The following FRMD6 variants were observed in gnomAD, a reference collection of about 807,000 sequenced individuals.
FRMD6 encodes FERM domain-containing protein 6.
Under a neutral mutation model 73.2 loss-of-function variants are expected in FRMD6, and 37 were observed. The observed-to-expected ratio is 0.51, with a 90% CI of 0.39 to 0.66. FRMD6 has a LOEUF of 0.66. Ranked by LOEUF, FRMD6 falls within the 30% of genes least tolerant of loss-of-function variation. The probability of loss-of-function intolerance (pLI) is 0.00; values close to 1 mark genes in which losing one functional copy is unlikely to be tolerated. For missense variants in FRMD6, 714 were observed against 780.5 expected (o/e 0.91, Z 1.02); for synonymous variants, 273 against 282.2 (o/e 0.97, Z 0.33).
chr14:51,469,563 A>G, the FRMD6 span, among the ~76,000 whole-genome samples: 4 of 150,098 alleles, frequency 2.7e-5, no homozygotes, highest in Admixed American at 1.3e-4. Flanking sequence ...CAGTGAGCCA[A>G]GATAGCGCCA....
intron 3 of FRMD6, among the ~76,000 whole-genome samples, chr14:51,699,855 T>G (rs1896188696): frequency 6.6e-6 from 1 of 152,002 alleles, no homozygotes; most frequent in Non-Finnish European, 1.5e-5. Context: ...GATTGTCTGG[T>G]CTTGTTTATT....
chr14:51,398,056 G>T, the FRMD6 span, among the ~76,000 whole-genome samples: 10 of 151,952 alleles, frequency 6.6e-5, no homozygotes, highest in Admixed American at 5.9e-4. Context: ...AATTTTTTTG[G>T]TCTCTAGAAC....
chr14:51,400,670 G>A, the FRMD6 span, among the ~76,000 whole-genome samples: 1 of 152,008 alleles, frequency 6.6e-6, no homozygotes, highest in East Asian at 1.9e-4. Flanking sequence ...AACAGGTTTG[G>A]GAACAAACAC....
intron 1 of FRMD6, among the ~76,000 whole-genome samples, chr14:51,496,446 G>A (rs73283294): frequency 0.02 from 3,069 of 152,212 alleles, 92 homozygotes; most frequent in African/African-American, 0.069. Context: ...TTAAAAGGGC[G>A]TCACTCCCAT....
At chr14:51,405,577 T>C in the FRMD6 span, among the ~76,000 whole-genome samples, 1 of 152,160 alleles carries the variant, frequency 6.6e-6, no homozygotes, top group Admixed American at 6.5e-5. Context: ...GACTTGAGTT[T>C]TTTTTTTCAA....
chr14:51,709,984 C>T (rs574153906), intron 7 of FRMD6, among the ~76,000 whole-genome samples: 2 of 152,184 alleles, frequency 1.3e-5, no homozygotes, highest in African/African-American at 4.8e-5. Flanking sequence ...AGGTGGAATA[C>T]CTGGCACATT....
chr14:51,436,805 G>T, the FRMD6 span: 4 of 543,378 alleles, frequency 7.4e-6, no homozygotes, highest in South Asian at 7.3e-5. Context: ...AGAAGGAGAA[G>T]ATGATGATGA....
intron 1 of FRMD6, among the ~76,000 whole-genome samples, chr14:51,505,097 C>T (rs2140229970): frequency 6.6e-6 from 1 of 152,272 alleles, no homozygotes; most frequent in African/African-American, 2.4e-5. Flanking sequence ...GAATCTTCTA[C>T]CCAGAGGTAG....
At chr14:51,706,792 T>C (rs1187344173) in intron 6 of FRMD6, among the ~76,000 whole-genome samples, 2 of 152,254 alleles carry the variant, frequency 1.3e-5, no homozygotes, top group East Asian at 3.9e-4. Flanking sequence ...TGTTTCTTAG[T>C]GTGTTCTGAA....
intron 1 of FRMD6, among the ~76,000 whole-genome samples, chr14:51,523,755 T>C (rs1885075840): frequency 6.6e-6 from 1 of 152,198 alleles, no homozygotes. Flanking sequence ...ACTTGTGAAA[T>C]GAGCTACTGA....
intron 1 of FRMD6, among the ~76,000 whole-genome samples, chr14:51,504,356 A>G (rs1883820640): frequency 6.6e-6 from 1 of 152,226 alleles, no homozygotes; most frequent in Admixed American, 6.5e-5. Flanking sequence ...ACGCACCTGT[A>G]GGAGGTGGCT....
At chr14:51,543,910 C>T (rs1003062978) in intron 1 of FRMD6, among the ~76,000 whole-genome samples, 3 of 151,936 alleles carry the variant, frequency 2.0e-5, no homozygotes, top group African/African-American at 7.2e-5. Context: ...GAAATGAATT[C>T]GCACCATACT....
At chr14:51,677,556 C>G (rs1205974807) in intron 1 of FRMD6, among the ~76,000 whole-genome samples, 1 of 152,046 alleles carries the variant, frequency 6.6e-6, no homozygotes, top group Non-Finnish European at 1.5e-5. Flanking sequence ...ATTTTTGTGC[C>G]TGGTTGCTAA....
chr14:51,576,109 A>T (rs950463395), intron 2 of FRMD6: 2 of 152,310 alleles, frequency 1.3e-5, no homozygotes, highest in South Asian at 2.1e-4. Context: ...CACCCAGGAG[A>T]GTGGGCTACA....
In FRMD6 at chr14:51,674,438, A is replaced by G. The variant is rs1799575484; in HGVS notation, c.-146-15253A>G. Reference sequence around the variant, plus strand: ...ATTTGTGTTGAGCAGTGGTCCTGCCATGCCTGCTGACTTGGAATAGTCTGC... The same window carrying G: ...ATTTGTGTTGAGCAGTGGTCCTGCCGTGCCTGCTGACTTGGAATAGTCTGC... On this transcript the variant is annotated intron_variant, in intron 1 of 13. Coordinates refer to ENST00000344768, the MANE Select transcript of FRMD6 (RefSeq NM_001267046.2). 2.6e-5 allele frequency among the ~76,000 whole-genome samples: 4 copies of G among 152,132 alleles called. No homozygotes were observed. The South Asian group carries it at 8.3e-4, about 31-fold the overall frequency.
In FRMD6 at chr14:51,507,955, C is replaced by T. The variant is rs140261960; in HGVS notation, c.-210+18535C>T. Among the ~76,000 whole-genome samples, 56 of 152,260 alleles carry T rather than the reference C, an allele frequency of 3.7e-4. No homozygotes were observed. In the East Asian group the frequency reaches 6.0e-3, roughly 16 times the overall value. ...GGATGCTCTGCCTTCCAGAATGCTC[C>T]GGGCAGCTTGAAATGGCATGATCCC... is the stretch of plus-strand genomic sequence containing the variant. On this transcript the variant is annotated intron_variant, in intron 1 of 14. Transcript: ENST00000356218.
chr14:51,398,432 A>G, the FRMD6 span, among the ~76,000 whole-genome samples: 2 of 152,206 alleles, frequency 1.3e-5, no homozygotes, highest in Non-Finnish European at 2.9e-5. Flanking sequence ...GCTCTTAGCA[A>G]CTTACTCAAG....
intron 1 of FRMD6, among the ~76,000 whole-genome samples, chr14:51,657,127 G>T (rs1892890286): frequency 6.6e-6 from 1 of 152,092 alleles, no homozygotes; most frequent in African/African-American, 2.4e-5. Flanking sequence ...CTTTTCAGAT[G>T]ATTTTTCTCT....
At chr14:51,464,508 A>C in the FRMD6 span, among the ~76,000 whole-genome samples, 2 of 152,222 alleles carry the variant, frequency 1.3e-5, no homozygotes, top group Non-Finnish European at 2.9e-5. Flanking sequence ...TAACTCGTGC[A>C]GGAGAACTCT....
Sources: allele counts gnomAD v4.1 joint callset (sites outside exome capture counted in the v4.1 genomes callset), GRCh38; gene constraint gnomAD v4.1.1; transcripts MANE v1.5; gene names NCBI Gene and HGNC (gene_info 2026-07-23, HGNC 2026-07-21).